The following FAM151B variants were observed in gnomAD, a reference collection of about 807,000 sequenced individuals.
The protein encoded by FAM151B is protein FAM151B.
Under a neutral mutation model 31.2 loss-of-function variants are expected in FAM151B, and 24 were observed. The ratio of observed to expected loss-of-function variants is 0.77; its 90% CI spans 0.56 to 1.08. The LOEUF (loss-of-function observed/expected upper bound fraction) is 1.08. FAM151B is among the 50% of genes least tolerant of loss of function. FAM151B has a pLI of 0.00. For synonymous variants in FAM151B, 105 were observed against 111.4 expected (o/e 0.94, Z 0.36); for missense variants, 293 against 328.6 (o/e 0.89, Z 0.84).
In FAM151B at chr5:80,542,057, T is replaced by C; in HGVS notation, c.*225T>C. The C allele has an allele frequency of 2.2e-6, 1 of 461,908 alleles. No individual in the cohort carries two copies. Among genetic ancestry groups the C allele is most frequent in the Non-Finnish European group, 3.8e-6 (1 of 263,322 alleles). 28.6% of individuals were successfully genotyped at this position (461,908 alleles called of 1,614,324 possible). On this transcript the variant is annotated 3_prime_UTR_variant, in exon 6 of 6. Coordinates refer to ENST00000282226, the MANE Select transcript of FAM151B (RefSeq NM_205548.3). ...TATTTACACACGTGGCCTAGTCTAATAATAATTCAGGAAAATGATACTCTG... is the reference window on the plus strand; with the variant it reads ...TATTTACACACGTGGCCTAGTCTAACAATAATTCAGGAAAATGATACTCTG...
At chr5:80,509,691 A>T (rs1269808473) in intron 2 of FAM151B, among the ~76,000 whole-genome samples, 1 of 152,242 alleles carries the variant, frequency 6.6e-6, no homozygotes, top group Non-Finnish European at 1.5e-5. Flanking sequence ...TGATTTGGAA[A>T]TATTTTCTCT....
At chr5:80,540,077 A>G (rs1745808623) in intron 5 of FAM151B, among the ~76,000 whole-genome samples, 1 of 152,174 alleles carries the variant, frequency 6.6e-6, no homozygotes, top group South Asian at 2.1e-4. Flanking sequence ...GCGTTGATAC[A>G]ACACTACCAT....
chr5:80,497,003 G>A (rs1339866967), intron 1 of FAM151B, among the ~76,000 whole-genome samples: 1 of 151,514 alleles, frequency 6.6e-6, no homozygotes, highest in Non-Finnish European at 1.5e-5. Flanking sequence ...TAGAGAAGGG[G>A]TTTCAACATA....
intron 2 of FAM151B, 55 bp from the exon 3 acceptor site, chr5:80,513,549 T>G: frequency 6.6e-7 from 1 of 1,524,796 alleles, no homozygotes; most frequent in South Asian, 1.2e-5. Flanking sequence ...TGGTGCCTCC[T>G]GTAGTTCTGT....
intron 5 of FAM151B, among the ~76,000 whole-genome samples, chr5:80,528,097 A>G (rs1745051893): frequency 6.6e-6 from 1 of 152,162 alleles, no homozygotes; most frequent in South Asian, 2.1e-4. Context: ...TCCAGGGATC[A>G]TATCTATAGC....
intron 1 of FAM151B, among the ~76,000 whole-genome samples, chr5:80,492,530 T>C (rs1285363126): frequency 1.3e-5 from 2 of 152,134 alleles, no homozygotes; most frequent in African/African-American, 2.4e-5. Context: ...TACTCCTGTC[T>C]CTCTCCCTCT....
chr5:80,520,255 T>G (rs1744641070), intron 4 of FAM151B, among the ~76,000 whole-genome samples: 1 of 152,248 alleles, frequency 6.6e-6, no homozygotes, highest in South Asian at 2.1e-4. Context: ...GCTGCTAAAC[T>G]AACATATTCA....
At chr5:80,517,558 C>T (rs10474628) in intron 3 of FAM151B, among the ~76,000 whole-genome samples, 17,278 of 77,772 alleles carry the variant, frequency 0.22, 1,385 homozygotes, top group African/African-American at 0.37. Flanking sequence ...TTTGTTTAAC[C>T]GCAGATTTTA....
At chr5:80,511,614 A>T (rs774893067) in intron 2 of FAM151B, among the ~76,000 whole-genome samples, 215 of 151,138 alleles carry the variant, frequency 1.4e-3, no homozygotes, top group Non-Finnish European at 1.7e-3. Flanking sequence ...TTTAAAAAAA[A>T]TTTTTTTTTG....
chr5:80,527,318 G>T (rs1489093945), intron 5 of FAM151B, among the ~76,000 whole-genome samples: 1 of 152,040 alleles, frequency 6.6e-6, no homozygotes, highest in Non-Finnish European at 1.5e-5. Flanking sequence ...AGCTACTCAG[G>T]ACGCTGAGGC....
At chr5:80,523,514 T>C (rs902548565) in intron 5 of FAM151B, among the ~76,000 whole-genome samples, 2 of 152,086 alleles carry the variant, frequency 1.3e-5, no homozygotes, top group African/African-American at 4.8e-5. Flanking sequence ...CACAGAGACA[T>C]AGGTACAAGG....
intron 1 of FAM151B, among the ~76,000 whole-genome samples, chr5:80,492,994 G>A (rs949110440): frequency 6.6e-6 from 1 of 152,190 alleles, no homozygotes. Flanking sequence ...AAATGATTAA[G>A]CTTAGTGAGA....
chr5:80,494,580 G>A (rs918742571), intron 1 of FAM151B, among the ~76,000 whole-genome samples: 10 of 149,652 alleles, frequency 6.7e-5, no homozygotes, highest in Non-Finnish European at 1.2e-4. Flanking sequence ...TGGCATGATC[G>A]TGGCTAATTG....
chr5:80,495,776 G>C (rs1199410457), intron 1 of FAM151B, among the ~76,000 whole-genome samples: 1 of 146,770 alleles, frequency 6.8e-6, no homozygotes, highest in Non-Finnish European at 1.5e-5. Flanking sequence ...CTTGCGGTAA[G>C]CCGAGATGCG....
intron 5 of FAM151B, among the ~76,000 whole-genome samples, chr5:80,538,527 TCC>T (rs1315880433): frequency 4.3e-5 from 4 of 93,822 alleles, no homozygotes; most frequent in African/African-American, 1.5e-4. Context: ...CTTCCTTCCT[TCC>T]TTCCTTCCTT....
At chr5:80,507,376 T>A (rs1017449623) in intron 2 of FAM151B, among the ~76,000 whole-genome samples, 3 of 152,080 alleles carry the variant, frequency 2.0e-5, no homozygotes, top group African/African-American at 4.8e-5. Flanking sequence ...CTTGGCTATT[T>A]TATTTCTCAA....
intron 5 of FAM151B, among the ~76,000 whole-genome samples, chr5:80,534,817 T>C (rs887608572): frequency 6.6e-6 from 1 of 152,184 alleles, no homozygotes; most frequent in African/African-American, 2.4e-5. Flanking sequence ...GAAGTCAAAT[T>C]ATCCTTGTTT....
chr5:80,498,644 A>G (rs576352867), intron 1 of FAM151B: 73 of 719,964 alleles, frequency 1.0e-4, no homozygotes, highest in Non-Finnish European at 1.8e-4. Context: ...ACTCTCGACA[A>G]AGGTGTCTAA....
chr5:80,494,363 G>A (rs1249409819), intron 1 of FAM151B, among the ~76,000 whole-genome samples: 1 of 152,192 alleles, frequency 6.6e-6, no homozygotes, highest in Admixed American at 6.5e-5. Context: ...TACAGCAAGT[G>A]ATCCAGAAGA....
Sources: allele counts gnomAD v4.1 joint callset (sites outside exome capture counted in the v4.1 genomes callset), GRCh38; gene constraint gnomAD v4.1.1; transcripts MANE v1.5; gene names NCBI Gene and HGNC (gene_info 2026-07-23, HGNC 2026-07-21).